Variants in OXR1 observed in about 807,000 individuals in gnomAD.
The protein encoded by OXR1 is oxidation resistance 1.
A neutral mutation model predicts 104.6 loss-of-function variants in OXR1; 41 were observed. The observed-to-expected ratio is 0.39, with a 90% CI of 0.31 to 0.51. The LOEUF is 0.51. Among genes scored for constraint, OXR1 ranks in the 20% least tolerant of loss-of-function variants. The pLI, the probability that OXR1 is intolerant of heterozygous loss-of-function variation, is 0.77. For synonymous variants in OXR1, 348 were observed against 348.4 expected (o/e 1.00, Z 0.01); for missense variants, 955 against 1,031.9 (o/e 0.93, Z 1.02).
At chr8:106,713,693 A>G (rs1831941732) in intron 10 of OXR1, 130 bp from the exon 11 acceptor site, 4 of 515,476 alleles carry the variant, frequency 7.8e-6, no homozygotes, top group Non-Finnish European at 1.3e-5. Context: ...GACCTTTTAT[A>G]TTAATATAAA....
chr8:106,337,171 A>C (rs1469346063), intron 1 of OXR1, among the ~76,000 whole-genome samples: 1 of 152,210 alleles, frequency 6.6e-6, no homozygotes, highest in Non-Finnish European at 1.5e-5. Context: ...TAAGGCTTAA[A>C]TATCTCTATC....
chr8:106,627,144 T>C (rs1005516076), intron 3 of OXR1, among the ~76,000 whole-genome samples: 5 of 152,138 alleles, frequency 3.3e-5, no homozygotes, highest in Admixed American at 2.0e-4. Flanking sequence ...GAATTCAGGA[T>C]AGAATAGTGA....
chr8:106,675,623 A>G (rs1291084694), intron 3 of OXR1, among the ~76,000 whole-genome samples: 1 of 152,182 alleles, frequency 6.6e-6, no homozygotes, highest in Non-Finnish European at 1.5e-5. Flanking sequence ...TGAATTTCTT[A>G]GTCTAATTTT....
intron 3 of OXR1, among the ~76,000 whole-genome samples, chr8:106,545,952 C>T (rs963389585): frequency 6.7e-6 from 1 of 148,646 alleles, no homozygotes; most frequent in Non-Finnish European, 1.5e-5. Context: ...GCTGAGATCG[C>T]ACCACTGTAC....
intron 3 of OXR1, among the ~76,000 whole-genome samples, chr8:106,529,027 A>G (rs1447192477): frequency 6.6e-6 from 1 of 152,180 alleles, no homozygotes; most frequent in Non-Finnish European, 1.5e-5. Flanking sequence ...TTTAGGGAAA[A>G]TTATTTCATT....
At chr8:106,296,031 A>G (rs1040419602) in intron 1 of OXR1, among the ~76,000 whole-genome samples, 3 of 152,100 alleles carry the variant, frequency 2.0e-5, no homozygotes, top group Admixed American at 6.6e-5. Context: ...GCTTTCTTCA[A>G]TTCTTGAAAT....
chr8:106,632,362 C>T (rs1006358846), intron 3 of OXR1, among the ~76,000 whole-genome samples: 2 of 152,136 alleles, frequency 1.3e-5, no homozygotes, highest in Admixed American at 1.3e-4. Flanking sequence ...AAAATCTGAA[C>T]ATGTTTTAAA....
At chr8:106,658,455 C>T (rs1825398265) in intron 3 of OXR1, among the ~76,000 whole-genome samples, 1 of 152,186 alleles carries the variant, frequency 6.6e-6, no homozygotes, top group Non-Finnish European at 1.5e-5. Flanking sequence ...TCTTTCCCCG[C>T]CAAGTATTTC....
intron 11 of OXR1, among the ~76,000 whole-genome samples, chr8:106,717,735 G>A (rs549405376): frequency 2.0e-5 from 3 of 152,092 alleles, no homozygotes; most frequent in Non-Finnish European, 4.4e-5. Flanking sequence ...GATAAACTTG[G>A]GCGTAGATTA....
intron 3 of OXR1, chr8:106,617,903 A>T (rs934803505): frequency 4.7e-6 from 2 of 424,226 alleles, no homozygotes; most frequent in Non-Finnish European, 6.3e-6. Context: ...TGTCGTCGTC[A>T]CCGTTTCTAA....
At chr8:106,476,383 GAC>G (rs1223868062) in intron 2 of OXR1, among the ~76,000 whole-genome samples, 1 of 151,916 alleles carries the variant, frequency 6.6e-6, no homozygotes, top group Non-Finnish European at 1.5e-5. Flanking sequence ...TCGTTGTCCA[GAC>G]CTTCCTGTTG....
At chr8:106,520,410 C>T (rs1466817891) in intron 3 of OXR1, 1 of 152,078 alleles carries the variant, frequency 6.6e-6, no homozygotes, top group African/African-American at 2.4e-5. Flanking sequence ...GGTTAAATTC[C>T]TTCCTTCAAG....
At chr8:106,593,759 G>C (rs1405296269) in intron 3 of OXR1, among the ~76,000 whole-genome samples, 1 of 152,190 alleles carries the variant, frequency 6.6e-6, no homozygotes, top group Non-Finnish European at 1.5e-5. Flanking sequence ...CTGGGCGACA[G>C]AGCGAGACTC....
chr8:106,415,688 A>G (rs1369595011), intron 2 of OXR1, among the ~76,000 whole-genome samples: 1 of 150,866 alleles, frequency 6.6e-6, no homozygotes, highest in Non-Finnish European at 1.5e-5. Context: ...TTTTTAATAC[A>G]TTTTGATGGT....
At chr8:106,404,134 A>T (rs1318179222) in intron 2 of OXR1, among the ~76,000 whole-genome samples, 1 of 152,076 alleles carries the variant, frequency 6.6e-6, no homozygotes, top group Non-Finnish European at 1.5e-5. Flanking sequence ...GGGACAAATC[A>T]ATTCACCTGG....
chr8:106,514,774 G>C (rs1041378041), intron 2 of OXR1, among the ~76,000 whole-genome samples: 39 of 152,164 alleles, frequency 2.6e-4, no homozygotes, highest in African/African-American at 7.5e-4. Flanking sequence ...AATACAAACA[G>C]TTTCTGGTGA....
chr8:106,580,956 A>T, intron 3 of OXR1: 2 of 1,005,048 alleles, frequency 2.0e-6, no homozygotes, highest in Non-Finnish European at 2.4e-6. Flanking sequence ...TGAACCTAAA[A>T]CACATGCTTG....
chr8:106,292,830 G>A (rs1048344825), intron 1 of OXR1, among the ~76,000 whole-genome samples: 2 of 152,206 alleles, frequency 1.3e-5, no homozygotes, highest in East Asian at 3.9e-4. Context: ...GTAGTTCTTA[G>A]CAAATGTTTA....
intron 1 of OXR1, among the ~76,000 whole-genome samples, chr8:106,274,602 C>CG (rs1211947409): frequency 1.9e-5 from 2 of 107,396 alleles, no homozygotes; most frequent in Non-Finnish European, 3.5e-5. Flanking sequence ...GCAACGCCAC[C>CG]CCCCCCCCGA....
Sources: allele counts gnomAD v4.1 joint callset (sites outside exome capture counted in the v4.1 genomes callset), GRCh38; gene constraint gnomAD v4.1.1; transcripts MANE v1.5; gene names NCBI Gene and HGNC (gene_info 2026-07-23, HGNC 2026-07-21).